The following NBAS variants were observed in gnomAD, a reference collection of about 807,000 sequenced individuals.
NBAS encodes the protein NAG/BC035112 fusion.
NBAS carries 219 observed loss-of-function variants against 302.5 expected under a neutral mutation model. The observed-to-expected ratio is 0.72, with a 90% CI of 0.65 to 0.81. NBAS has a LOEUF of 0.81. Among genes scored for constraint, NBAS ranks in the 30% least tolerant of loss-of-function variants. NBAS has a pLI of 0.00. For synonymous variants in NBAS, 1,118 were observed against 1,021.6 expected (o/e 1.09, Z -1.80); for missense variants, 2,932 against 2,841.6 (o/e 1.03, Z -0.72).
chr2:15,397,511 G>C (rs1675923906), intron 26 of NBAS: 6 of 593,580 alleles, frequency 1.0e-5, no homozygotes, highest in Admixed American at 4.0e-5. Context: ...GTCCTTGCAG[G>C]CTTCATGATA....
At chr2:15,206,098 T>C (rs530939550) in intron 48 of NBAS, among the ~76,000 whole-genome samples, 5 of 152,296 alleles carry the variant, frequency 3.3e-5, no homozygotes, top group Admixed American at 1.3e-4. Context: ...CTAGAGACTT[T>C]AATGGTTTTG....
chr2:14,928,989 A>G, the NBAS span, among the ~76,000 whole-genome samples: 1 of 152,168 alleles, frequency 6.6e-6, no homozygotes, highest in East Asian at 1.9e-4. Context: ...TTACCCTTTC[A>G]TCCTCAGTAA....
chr2:14,918,688 G>C, the NBAS span, among the ~76,000 whole-genome samples: 8 of 152,302 alleles, frequency 5.3e-5, no homozygotes, highest in African/African-American at 1.9e-4. Context: ...GGAAGCCCCT[G>C]AAAAGTTTCC....
At chr2:14,934,824 A>C in the NBAS span, among the ~76,000 whole-genome samples, 1 of 152,130 alleles carries the variant, frequency 6.6e-6, no homozygotes, top group Non-Finnish European at 1.5e-5. Flanking sequence ...CTAGATCCAA[A>C]ATTATTTTCT....
At chr2:15,249,336 T>C (rs1416233149) in intron 44 of NBAS, among the ~76,000 whole-genome samples, 1 of 152,194 alleles carries the variant, frequency 6.6e-6, no homozygotes. Flanking sequence ...GAGCTATTTA[T>C]GACAAACCCA....
chr2:15,093,241 C>A, the NBAS span, among the ~76,000 whole-genome samples: 3 of 152,198 alleles, frequency 2.0e-5, no homozygotes, highest in South Asian at 6.2e-4. Flanking sequence ...CATGGTAAAA[C>A]CCCGTCTCTA....
At chr2:15,064,633 C>T in the NBAS span, among the ~76,000 whole-genome samples, 4 of 152,048 alleles carry the variant, frequency 2.6e-5, no homozygotes, top group Non-Finnish European at 5.9e-5. Flanking sequence ...GGAATTCTAC[C>T]AAATATTTAA....
At chr2:14,891,022 TC>T in the NBAS span, among the ~76,000 whole-genome samples, 8 of 152,230 alleles carry the variant, frequency 5.3e-5, no homozygotes, top group Non-Finnish European at 1.0e-4. Context: ...ATTACCACCT[TC>T]TTTCTTGCCA....
At chr2:15,190,766 G>A (rs977633644) in intron 48 of NBAS, among the ~76,000 whole-genome samples, 19 of 152,106 alleles carry the variant, frequency 1.2e-4, no homozygotes, top group African/African-American at 4.6e-4. Context: ...TAAAGTTTAA[G>A]TTATCCCAAC....
rs536011657 is a variant in NBAS at position 15,180,804 on chromosome 2, G to A, written c.6712-1688C>T. Among the ~76,000 whole-genome samples the A allele has an allele frequency of 2.6e-5, 4 of 152,312 alleles. No individual in the cohort carries two copies. The East Asian group carries it at 5.8e-4, about 22-fold the overall frequency. On this transcript the variant is annotated intron_variant, in intron 50 of 51. Coordinates refer to ENST00000281513, the MANE Select transcript of NBAS (RefSeq NM_015909.4). ...CATGGGGCCAGCGGCTACCATATTA[G>A]GCAGTATGGCTGCTGGGTGCTGGAC...
chr2:15,199,442 T>C (rs1333417038), intron 48 of NBAS, among the ~76,000 whole-genome samples: 1 of 152,188 alleles, frequency 6.6e-6, no homozygotes, highest in East Asian at 1.9e-4. Context: ...ATAAAATACA[T>C]ATGTTCCAAG....
chr2:15,275,893 CAT>C (rs1669561143), intron 43 of NBAS, 75 bp from the exon 44 acceptor site: 2 of 1,272,962 alleles, frequency 1.6e-6, no homozygotes, highest in Non-Finnish European at 2.3e-6. Context: ...AACACACACA[CAT>C]AGCCCTCTAT....
chr2:15,216,511 A>G (rs1042008658), intron 48 of NBAS, among the ~76,000 whole-genome samples: 3 of 152,230 alleles, frequency 2.0e-5, no homozygotes, highest in Admixed American at 6.5e-5. Context: ...GTGCTTGAGA[A>G]AAAAATCTTA....
chr2:14,915,042 CAG>C, the NBAS span, among the ~76,000 whole-genome samples: 2 of 152,164 alleles, frequency 1.3e-5, no homozygotes, highest in African/African-American at 2.4e-5. Context: ...CTTACTGATA[CAG>C]AGAGTCATCC....
chr2:15,536,173 T>C (rs903396729), intron 8 of NBAS, among the ~76,000 whole-genome samples: 1 of 152,198 alleles, frequency 6.6e-6, no homozygotes, highest in Admixed American at 6.5e-5. Flanking sequence ...TACGAAATGA[T>C]TAATAGCCGG....
the NBAS span, among the ~76,000 whole-genome samples, chr2:14,847,316 G>C: frequency 6.7e-6 from 1 of 148,958 alleles, no homozygotes; most frequent in South Asian, 2.1e-4. Flanking sequence ...CCAGGAGGCG[G>C]AGCTTGCAGT....
chr2:15,438,453 G>C (rs1467133835), intron 21 of NBAS, among the ~76,000 whole-genome samples: 2 of 152,154 alleles, frequency 1.3e-5, no homozygotes, highest in African/African-American at 4.8e-5. Flanking sequence ...GAACAACAAT[G>C]AAGTATGGAG....
chr2:15,136,281 G>C, the NBAS span, among the ~76,000 whole-genome samples: 1 of 152,172 alleles, frequency 6.6e-6, no homozygotes, highest in East Asian at 1.9e-4. Context: ...GCCACCCACA[G>C]ACCATAACTC....
intron 38 of NBAS, among the ~76,000 whole-genome samples, chr2:15,324,343 T>C (rs1333403152): frequency 2.0e-5 from 3 of 152,160 alleles, no homozygotes; most frequent in Admixed American, 2.0e-4. Flanking sequence ...TGGCCACACA[T>C]ACCCTTCCTC....
Sources: gnomAD v4.1 joint callset for allele counts (sites outside exome capture counted in the v4.1 genomes callset) on GRCh38, gnomAD v4.1.1 for gene constraint, MANE v1.5 for transcripts, NCBI Gene and HGNC (gene_info 2026-07-23, HGNC 2026-07-21) for gene names.